TBC1D8: variants seen among roughly 807,000 people sequenced by gnomAD.
TBC1D8 encodes the protein TBC1 domain family member 8, also known as BUB2-like protein 1.
A neutral mutation model predicts 118.8 loss-of-function variants in TBC1D8; 65 were observed. That is an observed-to-expected ratio of 0.55 (90% CI 0.45 to 0.67). The LOEUF (loss-of-function observed/expected upper bound fraction) is 0.67. Among genes scored for constraint, TBC1D8 ranks in the 30% least tolerant of loss-of-function variants. The probability of loss-of-function intolerance (pLI) is 0.00; values close to 1 mark genes in which losing one functional copy is unlikely to be tolerated. For synonymous variants in TBC1D8, 566 were observed against 595.8 expected (o/e 0.95, Z 0.73); for missense variants, 1,376 against 1,471.2 (o/e 0.94, Z 1.06).
chr2:101,097,557 T>A (rs201366645), intron 1 of TBC1D8, among the ~76,000 whole-genome samples: 5 of 148,494 alleles, frequency 3.4e-5, no homozygotes, highest in Admixed American at 2.0e-4. Flanking sequence ...CTCTGTTATT[T>A]AAAAAAAAAA....
At chr2:101,069,003 GAAAA>G (rs146651880) in intron 2 of TBC1D8, among the ~76,000 whole-genome samples, 1 of 93,118 alleles carries the variant, frequency 1.1e-5, no homozygotes, top group Admixed American at 1.2e-4. Context: ...TCCGTTTCAA[GAAAA>G]AAAAAAAAAA....
chr2:101,099,678 T>G (rs1316539481), intron 1 of TBC1D8, among the ~76,000 whole-genome samples: 2 of 152,216 alleles, frequency 1.3e-5, no homozygotes, highest in African/African-American at 4.8e-5. Context: ...CAAGTCAGGT[T>G]CATCCCTGGG....
At chr2:101,089,081 G>A (rs1453054704) in intron 2 of TBC1D8, among the ~76,000 whole-genome samples, 5 of 152,178 alleles carry the variant, frequency 3.3e-5, no homozygotes. Context: ...AGGCGTGGTG[G>A]CTCATGCCTG....
chr2:101,029,364 C>G, intron 12 of TBC1D8, 127 bp downstream of exon 12: 1 of 1,104,100 alleles, frequency 9.1e-7, no homozygotes, highest in Non-Finnish European at 1.3e-6. Context: ...TGCACTCCAG[C>G]CTGGGCAACA....
rs1386100959 is a variant in TBC1D8 at position 101,125,302 on chromosome 2, A to T, written c.127+25825T>A. Among the ~76,000 whole-genome samples, 5 of 150,812 alleles carry T rather than the reference A, an allele frequency of 3.3e-5. No homozygotes were observed. In the South Asian group the frequency reaches 8.4e-4, roughly 25 times the overall value. Reference sequence around the variant, plus strand: ...TAAGAGTACACAAGAAAAATAGTTTAAAAAAAAAATCACATTTTCCAGGTC... The same window carrying T: ...TAAGAGTACACAAGAAAAATAGTTTTAAAAAAAAATCACATTTTCCAGGTC... On this transcript the variant is annotated intron_variant, in intron 1 of 19. Transcript: ENST00000409318.
At chr2:101,029,125 A>G (rs1205736696) in intron 12 of TBC1D8, among the ~76,000 whole-genome samples, 3 of 152,192 alleles carry the variant, frequency 2.0e-5, no homozygotes, top group Non-Finnish European at 4.4e-5. Context: ...GCAGTGGCTC[A>G]CACTTGTAAT....
At chr2:101,017,917 A>C in intron 17 of TBC1D8, 6 of 1,550,860 alleles carry the variant, frequency 3.9e-6, no homozygotes, top group Non-Finnish European at 5.2e-6. Context: ...AAACCGAACA[A>C]GAAGAGGAAA....
chr2:101,094,058 C>T (rs1412961256), intron 1 of TBC1D8, among the ~76,000 whole-genome samples: 1 of 152,064 alleles, frequency 6.6e-6, no homozygotes, highest in East Asian at 1.9e-4. Context: ...CCCTCCCCAG[C>T]AGAGGCCCTC....
intron 14 of TBC1D8, 59 bp downstream of exon 14, chr2:101,027,989 G>C (rs1202405842): frequency 2.7e-6 from 4 of 1,473,150 alleles, no homozygotes; most frequent in Non-Finnish European, 3.8e-6. Flanking sequence ...AAAAGGATGC[G>C]CACTCCCAGG....
At chr2:101,095,521 C>G (rs566080178) in intron 1 of TBC1D8, among the ~76,000 whole-genome samples, 1 of 149,286 alleles carries the variant, frequency 6.7e-6, no homozygotes, top group Admixed American at 6.8e-5. Context: ...TTTGTCCTTG[C>G]GATAGTTTGC....
At chr2:101,033,014 T>C in intron 10 of TBC1D8, 1 of 210,408 alleles carries the variant, frequency 4.8e-6, no homozygotes, top group South Asian at 8.0e-5. Flanking sequence ...CTAGAAATTC[T>C]ATTAATGCCC....
intron 17 of TBC1D8, 97 bp from the exon 18 acceptor site, chr2:101,011,637 A>G: frequency 7.7e-7 from 1 of 1,294,140 alleles, no homozygotes; most frequent in East Asian, 2.4e-5. Flanking sequence ...CTAAGCCAGC[A>G]GCTCCCAGCC....
chr2:101,100,824 C>G (rs1216340543), intron 1 of TBC1D8, among the ~76,000 whole-genome samples: 1 of 152,196 alleles, frequency 6.6e-6, no homozygotes, highest in African/African-American at 2.4e-5. Flanking sequence ...ACTGGGAAAA[C>G]TGGCTAGCCA....
At chr2:101,111,065 A>C (rs1677558758) in intron 1 of TBC1D8, among the ~76,000 whole-genome samples, 2 of 152,140 alleles carry the variant, frequency 1.3e-5, no homozygotes, top group Admixed American at 1.3e-4. Context: ...GACCACATGA[A>C]GTCCTTTCTA....
At chr2:101,129,837 G>A (rs1238373465) in intron 1 of TBC1D8, among the ~76,000 whole-genome samples, 5 of 151,750 alleles carry the variant, frequency 3.3e-5, no homozygotes, top group East Asian at 3.9e-4. Flanking sequence ...CCCAGGAGGC[G>A]GAGCTAGCAG....
Position 101,022,308 on chromosome 2 carries a change from CGAT to C in TBC1D8, c.2731_2733del (p.Ile911del). 1 of 1,612,934 alleles carries C rather than the reference CGAT, an allele frequency of 6.2e-7. No homozygotes were observed. ...AGGCAGCTCACAAACGCTTTGAACT[CGAT>C]GAGCTGGTCCATGTTGTCATCCAAG... On this transcript the variant is annotated inframe_deletion, in exon 16 of 20. Transcript: ENST00000409318.
At chr2:101,104,523 T>C (rs1677069620) in intron 1 of TBC1D8, among the ~76,000 whole-genome samples, 1 of 152,180 alleles carries the variant, frequency 6.6e-6, no homozygotes, top group Admixed American at 6.5e-5. Context: ...GATATGTAAG[T>C]CAATACTTAG....
At chr2:101,102,314 C>T (rs1490696946) in intron 1 of TBC1D8, among the ~76,000 whole-genome samples, 1 of 151,866 alleles carries the variant, frequency 6.6e-6, no homozygotes, top group African/African-American at 2.4e-5. Flanking sequence ...ATTAGCAAGG[C>T]GTTGTGGCCG....
intron 1 of TBC1D8, among the ~76,000 whole-genome samples, chr2:101,115,145 GC>G (rs1558715820): frequency 6.6e-6 from 1 of 152,108 alleles, no homozygotes; most frequent in African/African-American, 2.4e-5. Flanking sequence ...TCTCTCTAAG[GC>G]TATCACACAT....
Sources: gnomAD v4.1 joint callset for allele counts (sites outside exome capture counted in the v4.1 genomes callset) on GRCh38, gnomAD v4.1.1 for gene constraint, MANE v1.5 for transcripts, NCBI Gene and HGNC (gene_info 2026-07-23, HGNC 2026-07-21) for gene names.